COL23A1: variants seen among roughly 807,000 people sequenced by gnomAD.
The protein encoded by COL23A1 is collagen type XXIII alpha 1 chain.
COL23A1 carries 97 observed loss-of-function variants against 99.3 expected under a neutral mutation model. The observed-to-expected ratio is 0.98, with a 90% CI of 0.83 to 1.16. The LOEUF is 1.16. COL23A1 is among the 50% of genes most tolerant of loss of function. COL23A1 has a pLI of 0.00. For synonymous variants in COL23A1, 320 were observed against 308.2 expected, an observed-to-expected ratio of 1.04 and a Z score of -0.40; for missense variants, 762 against 757.4, an observed-to-expected ratio of 1.01 and a Z score of -0.07.
At chr5:178,270,072 G>T (rs1315655621) in intron 6 of COL23A1, among the ~76,000 whole-genome samples, 1 of 152,174 alleles carries the variant, frequency 6.6e-6, no homozygotes, top group Non-Finnish European at 1.5e-5. Flanking sequence ...GTTTTCCATA[G>T]GTCCACCCCT....
rs751501626 is a variant in COL23A1, at chr5:178,242,044, C to T, written c.1579G>A (p.Val527Met). Residue 527 changes from valine to methionine, a missense_variant and splice_region_variant, in exon 27 of 29, where the codon GTG becomes ATG. Physicochemically the swap from Val to Met is conservative, Grantham distance 21. Coordinates refer to ENST00000390654, the MANE Select transcript of COL23A1 (RefSeq NM_173465.4). ...GPPGLDQPCP[V>M]GPDGLPVPGC... is the part of the protein sequence containing the mutation. Reference sequence around the variant, plus strand: ...CAGGGCCCTCCTCCGACACCTACCACGGGACACGGCTGGTCCAGGCCTGGT... The same window carrying T: ...CAGGGCCCTCCTCCGACACCTACCATGGGACACGGCTGGTCCAGGCCTGGT... The T allele has an allele frequency of 1.2e-5, 18 of 1,553,588 alleles. No individual in the cohort carries two copies. Among genetic ancestry groups the T allele is most frequent in the Middle Eastern group, 1.7e-4 (1 of 6,010 alleles).
chr5:178,321,267 G>A (rs1759288961), intron 2 of COL23A1, among the ~76,000 whole-genome samples: 1 of 152,102 alleles, frequency 6.6e-6, no homozygotes, highest in South Asian at 2.1e-4. Flanking sequence ...TTGCAAAACT[G>A]AAATTCTCTG....
Position 178,428,314 on chromosome 5 carries a change from C to T in COL23A1, c.362-121395G>A, listed in dbSNP as rs1290636244. Among the ~76,000 whole-genome samples, 2 of 152,218 alleles carry T rather than the reference C, an allele frequency of 1.3e-5. No homozygotes were observed. The highest frequency in any genetic ancestry group is 2.4e-5 in the African/African-American group (1 of 41,454). ...CCAAGAAGGTGCCCTGGGCAGTCCC[C>T]GAGGCTGGCCATCCCCTCTAGAACC... On this transcript the variant is annotated intron_variant, in intron 2 of 28. Transcript: ENST00000390654. This position sits in a 1 kb window ranked among gnomAD's most constrained non-coding sequence, Gnocchi z 5.0.
At position 178,281,703 on chromosome 5, in the gene COL23A1, T is replaced by C. The variant is rs145570241; in HGVS notation, c.441+6621A>G. On this transcript the variant is annotated intron_variant, in intron 5 of 28. Coordinates refer to ENST00000390654, the MANE Select transcript of COL23A1 (RefSeq NM_173465.4). The surrounding 1 kb of genome is among the most constrained non-coding windows in gnomAD (Gnocchi z 4.0). ...TTTCTGCCCTGTAGCCAAGGAGGCCTTTTCTACTTTTTAATAATTAATTGA... is the reference window on the plus strand; with the variant it reads ...TTTCTGCCCTGTAGCCAAGGAGGCCCTTTCTACTTTTTAATAATTAATTGA... 6.1e-4 allele frequency among the ~76,000 whole-genome samples: 93 copies of C among 152,288 alleles called. No individual in the cohort carries two copies. Among genetic ancestry groups the C allele is most frequent in the African/African-American group, 2.2e-3 (93 of 41,554 alleles).
chr5:178,387,712 T>C lies in COL23A1; in HGVS notation c.362-80793A>G, dbSNP rs1390056178. Among the ~76,000 whole-genome samples the C allele has an allele frequency of 6.6e-6, 1 of 152,224 alleles. No homozygotes were observed. The highest frequency in any genetic ancestry group is 1.5e-5 in the Non-Finnish European group (1 of 68,046). On this transcript the variant is annotated intron_variant, in intron 2 of 28. Transcript: ENST00000390654. This position sits in a 1 kb window ranked among gnomAD's most constrained non-coding sequence, Gnocchi z 4.7. ...ACTCAGTAAATACACGCTGAGCTAA[T>C]GAATGAACGAACGACAATGAGGCAG...
At chr5:178,276,135 G>C (rs1756573315) in intron 5 of COL23A1, among the ~76,000 whole-genome samples, 1 of 152,166 alleles carries the variant, frequency 6.6e-6, no homozygotes, top group African/African-American at 2.4e-5. Flanking sequence ...GGAGTGTCTT[G>C]ATGCTCATCT....
At chr5:178,314,113 G>A (rs1758851511) in intron 2 of COL23A1, among the ~76,000 whole-genome samples, 1 of 152,112 alleles carries the variant, frequency 6.6e-6, no homozygotes, top group Non-Finnish European at 1.5e-5. Context: ...CTGAGACCCG[G>A]AGAGGCTGGC....
At chr5:178,427,057 A>G (rs1191901255) in intron 2 of COL23A1, among the ~76,000 whole-genome samples, 1 of 152,166 alleles carries the variant, frequency 6.6e-6, no homozygotes, top group Non-Finnish European at 1.5e-5. Context: ...AAAATTAGCC[A>G]GGCATGGTGG....
At chr5:178,484,131 G>A (rs1757481685) in intron 2 of COL23A1, among the ~76,000 whole-genome samples, 1 of 152,008 alleles carries the variant, frequency 6.6e-6, no homozygotes, top group Non-Finnish European at 1.5e-5. Flanking sequence ...TCACCGTGTT[G>A]GCCAGGCTGG....
intron 2 of COL23A1, among the ~76,000 whole-genome samples, chr5:178,358,240 A>ATGTATGTG (rs1456231361): frequency 0.025 from 1,234 of 49,500 alleles, 31 homozygotes; most frequent in African/African-American, 0.14. Flanking sequence ...GTATGTGTGT[A>ATGTATGTG]TGTGTATGTG....
At position 178,343,808 on chromosome 5, in the gene COL23A1, G is replaced by A. The variant is rs931183183; in HGVS notation, c.362-36889C>T. Among the ~76,000 whole-genome samples, 12 of 151,930 alleles carry A rather than the reference G, an allele frequency of 7.9e-5. No individual in the cohort carries two copies. In the South Asian group the frequency reaches 1.0e-3, roughly 13 times the overall value. ...CTCCTGAGTAGCTGGGACTACAGGT[G>A]CACGCCACCACGGCCCACTAATTTT... On this transcript the variant is annotated intron_variant, in intron 2 of 28. Transcript: ENST00000390654.
At chr5:178,418,288 T>A (rs1185047835) in intron 2 of COL23A1, among the ~76,000 whole-genome samples, 1 of 152,238 alleles carries the variant, frequency 6.6e-6, no homozygotes, top group East Asian at 1.9e-4. Flanking sequence ...ATTACTACCA[T>A]CAGGATAATT....
At chr5:178,346,059 T>A (rs1760952098) in intron 2 of COL23A1, among the ~76,000 whole-genome samples, 1 of 152,176 alleles carries the variant, frequency 6.6e-6, no homozygotes. Context: ...ATTAGATATC[T>A]ATAAAATAAA....
intron 2 of COL23A1, among the ~76,000 whole-genome samples, chr5:178,324,105 C>T (rs1759502166): frequency 6.6e-6 from 1 of 152,096 alleles, no homozygotes; most frequent in African/African-American, 2.4e-5. Flanking sequence ...CTCTTGAGGT[C>T]CTGTGCTGTG....
At chr5:178,526,439 G>A (rs1452957065) in intron 2 of COL23A1, among the ~76,000 whole-genome samples, 1 of 152,194 alleles carries the variant, frequency 6.6e-6, no homozygotes, top group Non-Finnish European at 1.5e-5. Context: ...CATGGGCCTG[G>A]TGGGGAAGTG....
chr5:178,361,119 T>A (rs1239994371), intron 2 of COL23A1, among the ~76,000 whole-genome samples: 1 of 152,192 alleles, frequency 6.6e-6, no homozygotes, highest in African/African-American at 2.4e-5. Flanking sequence ...ACCATGTTTT[T>A]AAAAAACATT....
intron 10 of COL23A1, 81 bp downstream of exon 10, chr5:178,262,136 G>A (rs369148067): frequency 3.0e-5 from 42 of 1,420,452 alleles, no homozygotes; most frequent in Middle Eastern, 2.2e-4. Flanking sequence ...CCCTGCTGTC[G>A]GCGTGTGTGG....
intron 2 of COL23A1, among the ~76,000 whole-genome samples, chr5:178,326,008 T>C (rs921261429): frequency 3.3e-5 from 5 of 152,190 alleles, no homozygotes; most frequent in African/African-American, 1.2e-4. Context: ...GATCTAGCCC[T>C]AGTAAACGGC....
At chr5:178,344,386 C>G (rs1206852579) in intron 2 of COL23A1, among the ~76,000 whole-genome samples, 1 of 152,176 alleles carries the variant, frequency 6.6e-6, no homozygotes, top group African/African-American at 2.4e-5. Context: ...CCTGTAATCC[C>G]AGCACCTTGG....
Sources: gnomAD v4.1 joint callset for allele counts (sites outside exome capture counted in the v4.1 genomes callset) on GRCh38, gnomAD v4.1.1 for gene constraint, Gnocchi (gnomAD v3.1) non-coding constraint, MANE v1.5 for transcripts, NCBI Gene and HGNC (gene_info 2026-07-23, HGNC 2026-07-21) for gene names.